Variants in TMEM50B observed in about 807,000 individuals in gnomAD.
TMEM50B encodes HCV p7-trans-regulated protein 3.
A neutral mutation model predicts 23.4 loss-of-function variants in TMEM50B; 14 were observed. The ratio of observed to expected loss-of-function variants is 0.60; its 90% CI spans 0.39 to 0.93. The LOEUF is 0.93. TMEM50B is among the 40% of genes least tolerant of loss of function. The pLI is 0.00. For missense variants in TMEM50B, 159 were observed against 193.0 expected, an observed-to-expected ratio of 0.82 and a Z score of 1.04; for synonymous variants, 64 against 62.3, an observed-to-expected ratio of 1.03 and a Z score of -0.13.
At chr21:33,458,132 T>A (rs2084186525) in intron 5 of TMEM50B, among the ~76,000 whole-genome samples, 1 of 152,182 alleles carries the variant, frequency 6.6e-6, no homozygotes. Flanking sequence ...TTATCTAAAG[T>A]TTTTCTTTAA....
intron 5 of TMEM50B, among the ~76,000 whole-genome samples, chr21:33,459,058 G>A (rs529736790): frequency 7.2e-5 from 11 of 152,170 alleles, no homozygotes; most frequent in Admixed American, 7.2e-4. Flanking sequence ...AAGCAAAGAA[G>A]GCTGACAAAG....
rs1237415116 is a variant in TMEM50B, at chr21:33,479,904, C to A, written c.-108G>T. 1 of 152,258 alleles carries A rather than the reference C, an allele frequency of 6.6e-6. No homozygotes were observed. Among genetic ancestry groups the A allele is most frequent in the Non-Finnish European group, 1.5e-5 (1 of 68,080 alleles). 9.4% of individuals were successfully genotyped at this position (152,258 alleles called of 1,614,324 possible). A position where few individuals can be genotyped will look rare whatever the true frequency, so the allele number is the denominator to read the frequency against. On this transcript the variant is annotated 5_prime_UTR_variant, in exon 1 of 7. Transcript: ENST00000542230. ...CAGGAAGGAGACTGCTGCGCCACAA[C>A]CCTGCCGGCGTCCCGCGGCTCCACC...
intron 1 of TMEM50B, among the ~76,000 whole-genome samples, chr21:33,477,747 G>T (rs548826507): frequency 1.3e-5 from 2 of 151,764 alleles, no homozygotes; most frequent in African/African-American, 4.8e-5. Context: ...GGAGGCGGAG[G>T]TTGCAGTGAG....
chr21:33,479,368 G>C (rs930112458), intron 1 of TMEM50B: 1 of 152,350 alleles, frequency 6.6e-6, no homozygotes, highest in Admixed American at 6.5e-5. Flanking sequence ...CAATGGTTCG[G>C]GGCAAACGGG....
intron 7 of TMEM50B, among the ~76,000 whole-genome samples, chr21:33,443,898 T>TTG (rs2084030126): frequency 7.4e-6 from 1 of 135,992 alleles, no homozygotes; most frequent in African/African-American, 2.5e-5. Flanking sequence ...TGTGGTTTTT[T>TTG]TTTGTTTGTT....
intron 6 of TMEM50B, among the ~76,000 whole-genome samples, chr21:33,453,790 T>A (rs2084144003): frequency 6.6e-6 from 1 of 151,962 alleles, no homozygotes; most frequent in South Asian, 2.1e-4. Context: ...TACCTAAATA[T>A]CCTATGTTGA....
At chr21:33,458,776 A>G (rs1378315390) in intron 5 of TMEM50B, among the ~76,000 whole-genome samples, 2 of 152,180 alleles carry the variant, frequency 1.3e-5, no homozygotes, top group Non-Finnish European at 2.9e-5. Flanking sequence ...TTAAAAAAGC[A>G]TTTTCCTTCA....
chr21:33,468,635 G>A, intron 2 of TMEM50B, 152 bp downstream of exon 2: 1 of 595,844 alleles, frequency 1.7e-6, no homozygotes, highest in Non-Finnish European at 3.0e-6. Context: ...TATTCTGCTT[G>A]GCAATAGTAT....
chr21:33,455,605 A>C, intron 6 of TMEM50B, 122 bp downstream of exon 6: 1 of 850,958 alleles, frequency 1.2e-6, no homozygotes, highest in South Asian at 1.6e-5. Context: ...TCACCTTTTA[A>C]AAGAAGTTCT....
intron 1 of TMEM50B, among the ~76,000 whole-genome samples, chr21:33,473,457 GAAAAA>G (rs35814774): frequency 3.5e-5 from 3 of 84,854 alleles, no homozygotes; most frequent in Non-Finnish European, 6.6e-5. Flanking sequence ...TGTCTCGGAA[GAAAAA>G]AAAAAAAAAA....
downstream of TMEM50B, among the ~76,000 whole-genome samples, chr21:33,447,553 T>C (rs984648115): frequency 1.7e-4 from 26 of 152,166 alleles, no homozygotes; most frequent in African/African-American, 5.1e-4. Flanking sequence ...AATGCACCCA[T>C]GTCAAACCCT....
chr21:33,433,915 C>T (rs897306611), intron 8 of TMEM50B, among the ~76,000 whole-genome samples: 3 of 151,940 alleles, frequency 2.0e-5, no homozygotes, highest in Non-Finnish European at 4.4e-5. Flanking sequence ...GGGAAGTGGC[C>T]TGGCTGGAGG....
chr21:33,433,634 T>C (rs1305371956), intron 8 of TMEM50B, among the ~76,000 whole-genome samples: 1 of 151,998 alleles, frequency 6.6e-6, no homozygotes, highest in Non-Finnish European at 1.5e-5. Context: ...TCGTGTTGAA[T>C]GGGGCCAGAG....
chr21:33,460,569 C>A, intron 4 of TMEM50B, 64 bp from the exon 5 acceptor site: 1 of 914,724 alleles, frequency 1.1e-6, no homozygotes, highest in Non-Finnish European at 1.7e-6. Context: ...CTTAGGAATA[C>A]ATAATACTAG....
At chr21:33,433,165 C>T (rs921854002) in intron 8 of TMEM50B, among the ~76,000 whole-genome samples, 4 of 152,114 alleles carry the variant, frequency 2.6e-5, no homozygotes, top group Non-Finnish European at 5.9e-5. Context: ...GGATTACAGG[C>T]GGGAGCCACT....
chr21:33,466,075 C>A (rs1463882677), intron 3 of TMEM50B, among the ~76,000 whole-genome samples: 1 of 152,078 alleles, frequency 6.6e-6, no homozygotes, highest in Non-Finnish European at 1.5e-5. Context: ...GCCTGGCAAA[C>A]ATGGTGGAAC....
intron 7 of TMEM50B, among the ~76,000 whole-genome samples, chr21:33,442,926 AAAAAAC>A (rs1286228904): frequency 6.6e-6 from 1 of 152,144 alleles, no homozygotes; most frequent in African/African-American, 2.4e-5. Flanking sequence ...GTCTCAAAAA[AAAAAAC>A]AAAACAAATC....
chr21:33,436,741 ATAAAAT>A (rs1286588778), intron 8 of TMEM50B: 8 of 1,104,566 alleles, frequency 7.2e-6, no homozygotes, highest in African/African-American at 3.3e-5. Flanking sequence ...AAAAATAAAA[ATAAAAT>A]AAAAACAAAA....
At chr21:33,436,844 C>T in intron 8 of TMEM50B, 1 of 1,614,170 alleles carries the variant, frequency 6.2e-7, no homozygotes, top group Admixed American at 1.7e-5. Context: ...AAAGACCCAA[C>T]TCAGCCCATC....
Sources: allele counts gnomAD v4.1 joint callset (sites outside exome capture counted in the v4.1 genomes callset), GRCh38; gene constraint gnomAD v4.1.1; transcripts MANE v1.5; gene names NCBI Gene and HGNC (gene_info 2026-07-23, HGNC 2026-07-21).